The following MYCBP2 variants were observed in gnomAD, a reference collection of about 807,000 sequenced individuals.
MYCBP2 encodes the protein MYC binding protein 2.
Under a neutral mutation model 525.3 loss-of-function variants are expected in MYCBP2, and 120 were observed. That is an observed-to-expected ratio of 0.23 (90% CI 0.20 to 0.27). The LOEUF (loss-of-function observed/expected upper bound fraction) is 0.27. MYCBP2 is among the 10% of genes least tolerant of loss of function. The pLI, the probability that MYCBP2 is intolerant of heterozygous loss-of-function variation, is 1.00. For synonymous variants in MYCBP2, 1,894 were observed against 1,955.8 expected, an observed-to-expected ratio of 0.97 and a Z score of 0.83; for missense variants, 4,149 against 5,657.1, an observed-to-expected ratio of 0.73 and a Z score of 8.55.
At chr13:77,072,964 A>G (rs1307671258) in intron 68 of MYCBP2, among the ~76,000 whole-genome samples, 1 of 152,070 alleles carries the variant, frequency 6.6e-6, no homozygotes, top group Admixed American at 6.6e-5. Context: ...CTCTTTCATC[A>G]TTTATTTTTG....
intron 1 of MYCBP2, among the ~76,000 whole-genome samples, chr13:77,323,146 C>T (rs2081897322): frequency 6.6e-6 from 1 of 152,148 alleles, no homozygotes; most frequent in African/African-American, 2.4e-5. Flanking sequence ...CCCCATTCTA[C>T]ATATTTAAAA....
In MYCBP2 at chr13:77,222,611, G is replaced by A. The variant is rs142155607; in HGVS notation, c.2939+1840C>T. On this transcript the variant is annotated intron_variant, in intron 20 of 82. Transcript: ENST00000544440. ...ACCTTTTAGAAAAAACTCTGATGCTGGCATCCTATCAAGGACCACTCCCCA... is the reference window on the plus strand; with the variant it reads ...ACCTTTTAGAAAAAACTCTGATGCTAGCATCCTATCAAGGACCACTCCCCA... Among the ~76,000 whole-genome samples the A allele has an allele frequency of 5.0e-4, 76 of 152,150 alleles. No individual in the cohort carries two copies. In the East Asian group the frequency reaches 0.014, roughly 28 times the overall value.
intron 14 of MYCBP2, among the ~76,000 whole-genome samples, chr13:77,255,904 T>A (rs2072101577): frequency 6.6e-6 from 1 of 152,128 alleles, no homozygotes; most frequent in Admixed American, 6.6e-5. Context: ...TAATAATATA[T>A]ATGTATGGTT....
At chr13:77,099,851 T>A (rs1319823196) in intron 55 of MYCBP2, 1 of 152,142 alleles carries the variant, frequency 6.6e-6, no homozygotes, top group African/African-American at 2.4e-5. Context: ...TGTTTCTGCA[T>A]GGACATTAAT....
chr13:77,151,924 C>T (rs560867874), intron 46 of MYCBP2, among the ~76,000 whole-genome samples: 58 of 152,344 alleles, frequency 3.8e-4, no homozygotes, highest in African/African-American at 1.3e-3. Flanking sequence ...TTTAGTTCTT[C>T]AGCAGGTATC....
intron 74 of MYCBP2, 126 bp from the exon 75 acceptor site, chr13:77,061,916 A>T: frequency 1.0e-6 from 1 of 972,090 alleles, no homozygotes; most frequent in Non-Finnish European, 1.4e-6. Flanking sequence ...TTAGAATCTG[A>T]ATATTAAACA....
intron 52 of MYCBP2, among the ~76,000 whole-genome samples, chr13:77,137,190 C>A (rs957628566): frequency 1.1e-4 from 16 of 152,180 alleles, no homozygotes; most frequent in Non-Finnish European, 1.5e-5. Context: ...TACAGATTGT[C>A]TCTTGGATGG....
chr13:77,171,366 G>A (rs1245808112), intron 38 of MYCBP2, 126 bp downstream of exon 38: 1 of 890,398 alleles, frequency 1.1e-6, no homozygotes, highest in Admixed American at 2.6e-5. Flanking sequence ...ATCCATGGGT[G>A]GATCTATAAA....
Position 77,182,755 on chromosome 13 carries a change from T to C in MYCBP2, c.4720-833A>G, listed in dbSNP as rs182044736. Among the ~76,000 whole-genome samples, 6 of 152,340 alleles carry C rather than the reference T, an allele frequency of 3.9e-5. No homozygotes were observed. In the East Asian group the frequency reaches 7.7e-4, roughly 20 times the overall value. Reference sequence around the variant, plus strand: ...TGCATTAGTGATGACAATGATTTTTTTCACGAAGGAGGGCGGGGAGGCCTA... The same window carrying C: ...TGCATTAGTGATGACAATGATTTTTCTCACGAAGGAGGGCGGGGAGGCCTA... On this transcript the variant is annotated intron_variant, in intron 32 of 82. Transcript: ENST00000544440.
At chr13:77,268,127 AT>A (rs1311904130) in intron 7 of MYCBP2, among the ~76,000 whole-genome samples, 190 bp from the exon 8 acceptor site, 2 of 152,216 alleles carry the variant, frequency 1.3e-5, no homozygotes, top group African/African-American at 4.8e-5. Flanking sequence ...ATTATTGAAA[AT>A]TGATGTAACA....
chr13:77,049,881 C>T (rs1156829298), intron 82 of MYCBP2, among the ~76,000 whole-genome samples: 1 of 152,198 alleles, frequency 6.6e-6, no homozygotes, highest in Non-Finnish European at 1.5e-5. Flanking sequence ...AGTGATCCAC[C>T]TGCTTCGGTC....
chr13:77,312,327 T>C (rs2080353462), intron 1 of MYCBP2, among the ~76,000 whole-genome samples: 1 of 151,986 alleles, frequency 6.6e-6, no homozygotes. Flanking sequence ...AAACACAAAA[T>C]ACTAGATTTT....
At chr13:77,126,119 A>G (rs953330167) in intron 53 of MYCBP2, among the ~76,000 whole-genome samples, 199 bp downstream of exon 53, 2 of 152,246 alleles carry the variant, frequency 1.3e-5, no homozygotes, top group African/African-American at 4.8e-5. Flanking sequence ...ATTTGTTAAT[A>G]TATTGTTTAC....
chr13:77,217,779 A>G, intron 21 of MYCBP2, 61 bp downstream of exon 21: 3 of 1,027,246 alleles, frequency 2.9e-6, no homozygotes, highest in Non-Finnish European at 4.3e-6. Flanking sequence ...AAGAGCTAAT[A>G]TAGACAAATT....
intron 1 of MYCBP2, among the ~76,000 whole-genome samples, chr13:77,307,160 T>C (rs1453858463): frequency 6.6e-6 from 1 of 152,150 alleles, no homozygotes; most frequent in African/African-American, 2.4e-5. Flanking sequence ...TTTTCAAATC[T>C]GAAACTTCCT....
intron 65 of MYCBP2, 77 bp from the exon 66 acceptor site, chr13:77,078,966 A>C (rs2042820838): frequency 4.2e-6 from 5 of 1,183,248 alleles, no homozygotes; most frequent in Non-Finnish European, 6.3e-6. Flanking sequence ...ATGACCTACT[A>C]ATACCACATC....
At chr13:77,198,698 A>G (rs965256612) in intron 26 of MYCBP2, among the ~76,000 whole-genome samples, 10 of 152,230 alleles carry the variant, frequency 6.6e-5, no homozygotes, top group African/African-American at 4.8e-5. Flanking sequence ...ATGACTCTCA[A>G]TGATTTTTAG....
chr13:77,156,404 C>T (rs2057219369), intron 45 of MYCBP2, among the ~76,000 whole-genome samples: 1 of 152,194 alleles, frequency 6.6e-6, no homozygotes, highest in Non-Finnish European at 1.5e-5. Flanking sequence ...CATGCCTAAG[C>T]ACAGGAGATT....
chr13:77,191,906 AAACT>A (rs2061334044), intron 27 of MYCBP2, 93 bp from the exon 28 acceptor site: 1 of 1,192,652 alleles, frequency 8.4e-7, no homozygotes, highest in Admixed American at 2.2e-5. Context: ...CAAAAACATG[AAACT>A]AACTGTATTA....
Sources: gnomAD v4.1 joint callset for allele counts (sites outside exome capture counted in the v4.1 genomes callset) on GRCh38, gnomAD v4.1.1 for gene constraint, MANE v1.5 for transcripts, NCBI Gene and HGNC (gene_info 2026-07-23, HGNC 2026-07-21) for gene names.